ERCC6: variants seen among roughly 807,000 people sequenced by gnomAD.
ERCC6 encodes DNA excision repair protein ERCC-6.
In ERCC6, 116 loss-of-function variants were observed where a neutral mutation model predicts 158.7. That is an observed-to-expected ratio of 0.73 (90% CI 0.63 to 0.85). The LOEUF (loss-of-function observed/expected upper bound fraction) is 0.85. Ranked by LOEUF, ERCC6 falls within the 40% of genes least tolerant of loss-of-function variation. The pLI is 0.00. For synonymous variants in ERCC6, 678 were observed against 659.3 expected, an observed-to-expected ratio of 1.03 and a Z score of -0.43; for missense variants, 1,698 against 1,799.4, an observed-to-expected ratio of 0.94 and a Z score of 1.02.
At chr10:49,493,320 A>T (rs757042401) in intron 7 of ERCC6, 68 bp from the exon 8 acceptor site, 202 of 1,589,700 alleles carry the variant, frequency 1.3e-4, no homozygotes, top group Non-Finnish European at 1.6e-4. Flanking sequence ...TGCTCAAAAG[A>T]TCCCCCAAAA....
intron 16 of ERCC6, among the ~76,000 whole-genome samples, chr10:49,472,000 C>T (rs987711337): frequency 2.0e-5 from 3 of 152,200 alleles, no homozygotes; most frequent in African/African-American, 7.2e-5. Context: ...CTGATCCTAC[C>T]TGCATAATGT....
chr10:49,487,741 T>C (rs1160843713), intron 8 of ERCC6, among the ~76,000 whole-genome samples: 2 of 152,196 alleles, frequency 1.3e-5, no homozygotes, highest in African/African-American at 2.4e-5. Flanking sequence ...TGCTTAAGGA[T>C]TGAAATTTAT....
intron 8 of ERCC6, among the ~76,000 whole-genome samples, chr10:49,488,931 C>T (rs1851124435): frequency 6.6e-6 from 1 of 152,098 alleles, no homozygotes; most frequent in African/African-American, 2.4e-5. Flanking sequence ...CTACAAGGTG[C>T]CTGCCACCAC....
intron 4 of ERCC6, among the ~76,000 whole-genome samples, chr10:49,526,902 T>A (rs1204444861): frequency 6.6e-6 from 1 of 152,146 alleles, no homozygotes; most frequent in Non-Finnish European, 1.5e-5. Flanking sequence ...AGAACCTAGG[T>A]GGCTGCAAAA....
intron 5 of ERCC6, among the ~76,000 whole-genome samples, chr10:49,510,031 C>T (rs894207388): frequency 6.6e-6 from 1 of 152,102 alleles, no homozygotes; most frequent in African/African-American, 2.4e-5. Flanking sequence ...CCTACAATTC[C>T]AGTCAGATGC....
chr10:49,530,976 T>C (rs1837456752), intron 2 of ERCC6, 136 bp from the exon 3 acceptor site: 4 of 1,244,488 alleles, frequency 3.2e-6, no homozygotes, highest in Non-Finnish European at 4.3e-6. Flanking sequence ...CCAGAATACA[T>C]ACCCTTATTG....
intron 8 of ERCC6, among the ~76,000 whole-genome samples, chr10:49,491,779 C>T (rs997089767): frequency 6.6e-5 from 10 of 152,060 alleles, no homozygotes; most frequent in African/African-American, 2.4e-4. Context: ...TTTAAATTGC[C>T]TTTATAAGAC....
chr10:49,493,507 T>C (rs1215388070), intron 7 of ERCC6, among the ~76,000 whole-genome samples: 1 of 152,182 alleles, frequency 6.6e-6, no homozygotes, highest in African/African-American at 2.4e-5. Context: ...TTAAGAGATA[T>C]AACATCTATA....
At position 49,457,072 on chromosome 10, in the gene ERCC6, G is replaced by A. The variant is rs934572663; in HGVS notation, c.*1743C>T. 4 of 152,154 alleles carry A rather than the reference G, an allele frequency of 2.6e-5. No homozygotes were observed. Among genetic ancestry groups the A allele is most frequent in the African/African-American group, 4.8e-5 (2 of 41,432 alleles). 9.4% of individuals were successfully genotyped at this position (152,154 alleles called of 1,614,324 possible). A position where few individuals can be genotyped will look rare whatever the true frequency, so the allele number is the denominator to read the frequency against. ...CCCAAATGCTTCATGAGTGAACAAGGTCAGCAGATCACCCTGAGAACAAGG... is the reference window on the plus strand; with the variant it reads ...CCCAAATGCTTCATGAGTGAACAAGATCAGCAGATCACCCTGAGAACAAGG... On this transcript the variant is annotated 3_prime_UTR_variant, in exon 21 of 21. Transcript: ENST00000355832.
At chr10:49,503,645 CACTA>C (rs1851392059) in intron 6 of ERCC6, 1 of 152,086 alleles carries the variant, frequency 6.6e-6, no homozygotes, top group African/African-American at 2.4e-5. Flanking sequence ...TCAGCTGTGC[CACTA>C]ACTGACTTTG....
rs1850479050 is a variant in ERCC6, at chr10:49,456,069, A to G, written c.*2746T>C. On this transcript the variant is annotated 3_prime_UTR_variant, in exon 21 of 21. Transcript: ENST00000355832. ...TATTAAATGAAAAGTTAGTTGCAAA[A>G]TAAGGATGGTATAAGGCCATTAATA... 6.6e-6 allele frequency: 1 copy of G among 152,266 alleles called. No homozygotes were observed. Among genetic ancestry groups the G allele is most frequent in the Non-Finnish European group, 1.5e-5 (1 of 68,046 alleles). The allele number at this position is 152,266 out of a possible 1,614,324, so 9.4% of individuals were successfully genotyped here. A position where few individuals can be genotyped will look rare whatever the true frequency, so the allele number is the denominator to read the frequency against.
intron 1 of ERCC6, among the ~76,000 whole-genome samples, chr10:49,535,397 C>T (rs902274637): frequency 6.6e-6 from 1 of 152,046 alleles, no homozygotes; most frequent in Non-Finnish European, 1.5e-5. Context: ...TTGGAGGGTA[C>T]GAGGAGGCTA....
At chr10:49,496,127 C>T (rs1325123916) in intron 7 of ERCC6, among the ~76,000 whole-genome samples, 1 of 152,192 alleles carries the variant, frequency 6.6e-6, no homozygotes, top group African/African-American at 2.4e-5. Context: ...CCTGGTTACC[C>T]TCTTACCCCT....
At chr10:49,515,610 T>A (rs770151886) in intron 5 of ERCC6, 56 of 1,614,000 alleles carry the variant, frequency 3.5e-5, no homozygotes, top group Non-Finnish European at 4.7e-5. Context: ...ATATGTTTTA[T>A]GCAATTGCCA....
intron 5 of ERCC6, among the ~76,000 whole-genome samples, chr10:49,508,191 A>G (rs1287635406): frequency 1.3e-5 from 2 of 152,222 alleles, no homozygotes; most frequent in Admixed American, 1.3e-4. Context: ...TCTCCAAGAT[A>G]ATTTTACAGA....
rs1425891205 is a variant in ERCC6 at position 49,516,338 on chromosome 10, T to C, written c.1397+7695A>G. 6.2e-6 allele frequency: 10 copies of C among 1,614,012 alleles called. No individual in the cohort carries two copies. In the Admixed American group the frequency reaches 1.5e-4, roughly 24 times the overall value. ...TGAAATATGTTTCATTTGGAACAAATTTCATGCATCTCTCATTAAGTTTGC... is the reference window on the plus strand; with the variant it reads ...TGAAATATGTTTCATTTGGAACAAACTTCATGCATCTCTCATTAAGTTTGC... On this transcript the variant is annotated intron_variant, in intron 5 of 20. Transcript: ENST00000355832.
At chr10:49,492,967 AAAGT>A (rs1851201257) in intron 8 of ERCC6, 146 bp downstream of exon 8, 2 of 790,650 alleles carry the variant, frequency 2.5e-6, no homozygotes, top group African/African-American at 1.7e-5. Flanking sequence ...ACAGAGCTCT[AAAGT>A]AAGTCAATAA....
intron 5 of ERCC6, among the ~76,000 whole-genome samples, chr10:49,508,489 C>G (rs1265012104): frequency 6.6e-6 from 1 of 152,112 alleles, no homozygotes; most frequent in African/African-American, 2.4e-5. Context: ...CGATTGCATT[C>G]TAGTGCCTTC....
Position 49,524,149 on chromosome 10 carries a change from G to A in ERCC6, c.1281C>T (p.Phe427=), listed in dbSNP as rs267602508. 6.2e-7 allele frequency: 1 copy of A among 1,613,890 alleles called. No homozygotes were observed. The highest frequency in any genetic ancestry group is 1.1e-5 in the South Asian group (1 of 91,066). ...VPVQEIDDDF[F]PSSGEEAEAA... ...CTTCAGCTTCTTCCCCAGAACTTGG[G>A]AAAAAGTCATCATCAATCTCCTGCA... Residue 427 remains phenylalanine, a synonymous_variant, in exon 5 of 21, where the codon TTC becomes TTT. Coordinates refer to ENST00000355832, the MANE Select transcript of ERCC6 (RefSeq NM_000124.4).
Sources: gnomAD v4.1 joint callset for allele counts (sites outside exome capture counted in the v4.1 genomes callset) on GRCh38, gnomAD v4.1.1 for gene constraint, MANE v1.5 for transcripts, NCBI Gene and HGNC (gene_info 2026-07-23, HGNC 2026-07-21) for gene names.